The following POLR1B variants were observed in gnomAD, a reference collection of about 807,000 sequenced individuals.
POLR1B encodes DNA-directed RNA polymerase I subunit RPA2.
A neutral mutation model predicts 105.8 loss-of-function variants in POLR1B; 30 were observed. The ratio of observed to expected loss-of-function variants is 0.28; its 90% CI spans 0.21 to 0.38. The LOEUF (loss-of-function observed/expected upper bound fraction) is 0.38. POLR1B is among the 10% of genes least tolerant of loss of function. The pLI is 1.00. For missense variants in POLR1B, 976 were observed against 1,435.8 expected (o/e 0.68, Z 5.17); for synonymous variants, 485 against 505.1 (o/e 0.96, Z 0.53).
chr2:112,545,294 A>G (rs1175316808), intron 1 of POLR1B, among the ~76,000 whole-genome samples: 1 of 152,204 alleles, frequency 6.6e-6, no homozygotes, highest in African/African-American at 2.4e-5. Context: ...TTAAACAGAA[A>G]CCCACATAAT....
chr2:112,558,171 A>T (rs1427676827), intron 8 of POLR1B, 90 bp downstream of exon 8: 4 of 1,055,960 alleles, frequency 3.8e-6, no homozygotes, highest in Non-Finnish European at 5.0e-6. Context: ...TTTAAAAGCA[A>T]ACCCCACGAA....
chr2:112,552,509 G>A (rs1683423598), intron 6 of POLR1B, 136 bp from the exon 7 acceptor site: 1 of 919,234 alleles, frequency 1.1e-6, no homozygotes, highest in African/African-American at 1.7e-5. Context: ...TGTGGCCAGT[G>A]TAGCTCAAAA....
chr2:112,575,117 T>C lies in POLR1B; in HGVS notation c.2796T>C (p.Ser932=). Residue 932 remains serine, a synonymous_variant, in exon 15 of 15, where the codon AGT becomes AGC. Transcript: ENST00000263331. This position sits in a 1 kb window ranked among gnomAD's most constrained non-coding sequence, Gnocchi z 5.3. ...SRMTIGMLIE[S]MAGKSAALHG... ...TGACCATTGGGATGTTAATTGAGAGTATGGCCGGGAAGTCTGCAGCTTTGC... is the reference window on the plus strand; with the variant it reads ...TGACCATTGGGATGTTAATTGAGAGCATGGCCGGGAAGTCTGCAGCTTTGC... The C allele has an allele frequency of 6.2e-7, 1 of 1,614,084 alleles. No individual in the cohort carries two copies. Among genetic ancestry groups the C allele is most frequent in the Non-Finnish European group, 8.5e-7 (1 of 1,180,020 alleles).
intron 9 of POLR1B, among the ~76,000 whole-genome samples, chr2:112,560,662 G>C (rs6760906): frequency 1.3e-5 from 2 of 151,864 alleles, no homozygotes; most frequent in Non-Finnish European, 2.9e-5. Flanking sequence ...TAATATGTGT[G>C]CAGTAAAACT....
In POLR1B at chr2:112,559,346, T is replaced by C; in HGVS notation, c.1384T>C (p.Phe462Leu). 1 of 1,614,220 alleles carries C rather than the reference T, an allele frequency of 6.2e-7. No individual in the cohort carries two copies. Among genetic ancestry groups the C allele is most frequent in the African/African-American group, 1.3e-5 (1 of 75,056 alleles). ...GLCVVADKLN[F>L]IRYLSHFRCV... ...TTGTGTTGTGGCTGACAAGCTGAACTTCATACGCTACCTCTCCCATTTCCG... is the reference window on the plus strand; with the variant it reads ...TTGTGTTGTGGCTGACAAGCTGAACCTCATACGCTACCTCTCCCATTTCCG... The change falls in exon 9 of 15, where the codon TTC (phenylalanine) becomes CTC (leucine). Residue 462 changes from phenylalanine to leucine, a missense_variant. Physicochemically the swap from Phe to Leu is conservative, Grantham distance 22. Coordinates refer to ENST00000263331, the MANE Select transcript of POLR1B (RefSeq NM_019014.6).
rs145672210 is a variant in POLR1B, at chr2:112,567,117, G to A, written c.1747-850G>A. ...TAGTAAATTTCAAGCATGCAATATAGTATTCTTAACTATAGTCACATGCTG... is the reference window on the plus strand; with the variant it reads ...TAGTAAATTTCAAGCATGCAATATAATATTCTTAACTATAGTCACATGCTG... On this transcript the variant is annotated intron_variant, in intron 10 of 14. Transcript: ENST00000263331. Among the ~76,000 whole-genome samples, 9 of 152,118 alleles carry A rather than the reference G, an allele frequency of 5.9e-5. No homozygotes were observed. The East Asian group carries it at 1.5e-3, about 26-fold the overall frequency.
In POLR1B at chr2:112,551,890, G is replaced by C; in HGVS notation, c.878G>C (p.Gly293Ala). 1 of 1,614,038 alleles carries C rather than the reference G, an allele frequency of 6.2e-7. No homozygotes were observed. Among genetic ancestry groups the C allele is most frequent in the Non-Finnish European group, 8.5e-7 (1 of 1,179,898 alleles). ...SQMLRIVMEEGCSTQKQVLNY... is the reference protein window; with the variant it reads ...SQMLRIVMEEACSTQKQVLNY... Reference sequence around the variant, plus strand: ...ATGTTAAGGATTGTAATGGAAGAGGGTTGTTCGACACAAAAACAGGTCCTT... The same window carrying C: ...ATGTTAAGGATTGTAATGGAAGAGGCTTGTTCGACACAAAAACAGGTCCTT... Residue 293 changes from glycine to alanine, a missense_variant, in exon 6 of 15, where the codon GGT becomes GCT. Coordinates refer to ENST00000263331, the MANE Select transcript of POLR1B (RefSeq NM_019014.6).
intron 14 of POLR1B, 125 bp downstream of exon 14, chr2:112,573,940 G>T: frequency 8.6e-7 from 1 of 1,167,304 alleles, no homozygotes; most frequent in East Asian, 2.5e-5. Context: ...ACCACCTCCC[G>T]GGCTCAAGCA....
Position 112,547,454 on chromosome 2 carries a change from A to G in POLR1B, c.379A>G (p.Lys127Glu). ...DINWAVNGIS[K>E]GIIKQFLGYV... ...CAACTGGGCAGTGAATGGAATCTCA[A>G]AAGGAATCATTAAGCAGTTTCTTGG... is the stretch of plus-strand genomic sequence containing the variant. Residue 127 changes from lysine to glutamate, a missense_variant, in exon 3 of 15, where the codon AAA becomes GAA. Physicochemically the swap from Lys to Glu is moderately conservative, Grantham distance 56 (BLOSUM62 1). Transcript: ENST00000263331. 3.1e-6 allele frequency: 5 copies of G among 1,614,180 alleles called. No homozygotes were observed. Among genetic ancestry groups the G allele is most frequent in the Non-Finnish European group, 3.4e-6 (4 of 1,180,010 alleles).
intron 10 of POLR1B, among the ~76,000 whole-genome samples, chr2:112,567,596 C>G (rs1334183943): frequency 6.6e-6 from 1 of 152,084 alleles, no homozygotes; most frequent in Non-Finnish European, 1.5e-5. Flanking sequence ...CCAGGCTGGT[C>G]TTGAACCTCT....
chr2:112,578,742 G>A lies in POLR1B; in HGVS notation c.*3013G>A, dbSNP rs757587569. Among the ~76,000 whole-genome samples the A allele has an allele frequency of 6.6e-6, 1 of 152,068 alleles. No homozygotes were observed. Among genetic ancestry groups the A allele is most frequent in the Non-Finnish European group, 1.5e-5 (1 of 68,026 alleles). ...TATACACTATCCATATGTGCTATAT[G>A]TACTATATGTCCTCTATATATTTTT... On this transcript the variant is annotated 3_prime_UTR_variant, in exon 15 of 15. Transcript: ENST00000263331.
intron 7 of POLR1B, among the ~76,000 whole-genome samples, chr2:112,556,427 C>T (rs945191658): frequency 5.9e-5 from 9 of 152,192 alleles, no homozygotes; most frequent in Non-Finnish European, 8.8e-5. Flanking sequence ...TCTTCCCACA[C>T]CTCTCCAAAA....
In POLR1B at chr2:112,564,390, C is replaced by T; in HGVS notation, c.1637C>T (p.Pro546Leu). ...GGGGTCACTCCCATTGATGGAGCTC[C>T]CCACCGATCATACAGTGAGTGCTAC... ...NLGVTPIDGA[P>L]HRSYSECYPV... The change falls in exon 10 of 15, where the codon CCC (proline) becomes CTC (leucine). Residue 546 changes from proline (P) to leucine (L), a missense_variant. Coordinates refer to ENST00000263331, the MANE Select transcript of POLR1B (RefSeq NM_019014.6). 6.2e-7 allele frequency: 1 copy of T among 1,614,160 alleles called. No homozygotes were observed. The highest frequency in any genetic ancestry group is 8.5e-7 in the Non-Finnish European group (1 of 1,180,018).
chr2:112,574,774 A>T, intron 14 of POLR1B, 73 bp from the exon 15 acceptor site: 1 of 1,279,638 alleles, frequency 7.8e-7, no homozygotes, highest in Non-Finnish European at 1.1e-6. Flanking sequence ...ATGAAGCACT[A>T]ATTATATCAA....
chr2:112,570,543 A>G (rs1156850888), intron 12 of POLR1B, among the ~76,000 whole-genome samples: 1 of 152,278 alleles, frequency 6.6e-6, no homozygotes, highest in East Asian at 1.9e-4. Context: ...CTACACACCT[A>G]GTATATGGTA....
At chr2:112,572,448 A>G in intron 12 of POLR1B, 114 bp from the exon 13 acceptor site, 2 of 733,276 alleles carry the variant, frequency 2.7e-6, no homozygotes, top group South Asian at 2.6e-5. Context: ...TACCATGACT[A>G]TTTATTTGTT....
At chr2:112,561,905 C>T (rs936542914) in intron 9 of POLR1B, among the ~76,000 whole-genome samples, 8 of 152,146 alleles carry the variant, frequency 5.3e-5, no homozygotes, top group Admixed American at 4.6e-4. Flanking sequence ...CTCCTGGCCT[C>T]AAGCATTCCT....
intron 4 of POLR1B, 100 bp downstream of exon 4, chr2:112,549,499 C>CT (rs34591927): frequency 0.051 from 29,217 of 577,234 alleles, 2 homozygotes; most frequent in Non-Finnish European, 0.056. Flanking sequence ...ATTTTTGTTT[C>CT]TTTTTTTTTT....
chr2:112,568,969 A>C, intron 12 of POLR1B, 67 bp downstream of exon 12: 1 of 1,462,790 alleles, frequency 6.8e-7, no homozygotes, highest in Non-Finnish European at 9.3e-7. Flanking sequence ...ACACTCTTTT[A>C]TTGTCCTTAT....
Sources: allele counts gnomAD v4.1 joint callset (sites outside exome capture counted in the v4.1 genomes callset), GRCh38; gene constraint gnomAD v4.1.1; non-coding constraint Gnocchi (gnomAD v3.1); transcripts MANE v1.5; gene names NCBI Gene and HGNC (gene_info 2026-07-23, HGNC 2026-07-21).